DLG2: variants seen among roughly 807,000 people sequenced by gnomAD.
DLG2 encodes disks large homolog 2.
Under a neutral mutation model 132.5 loss-of-function variants are expected in DLG2, and 45 were observed. The ratio of observed to expected loss-of-function variants is 0.34; its 90% CI spans 0.27 to 0.44. The LOEUF is 0.44. Ranked by LOEUF, DLG2 falls within the 20% of genes least tolerant of loss-of-function variation. DLG2 has a pLI of 1.00. For synonymous variants in DLG2, 424 were observed against 419.6 expected, an observed-to-expected ratio of 1.01 and a Z score of -0.13; for missense variants, 1,045 against 1,196.9, an observed-to-expected ratio of 0.87 and a Z score of 1.87.
intron 11 of DLG2, among the ~76,000 whole-genome samples, chr11:84,038,153 T>A (rs543436801): frequency 6.6e-6 from 1 of 152,076 alleles, no homozygotes; most frequent in Admixed American, 6.6e-5. Context: ...CCCAGTGTGG[T>A]TGTTCCCCTC....
intron 6 of DLG2, among the ~76,000 whole-genome samples, chr11:85,007,039 T>C (rs1010395114): frequency 1.3e-5 from 2 of 152,248 alleles, no homozygotes; most frequent in Non-Finnish European, 1.5e-5. Flanking sequence ...AAAGAATTTA[T>C]AGTTCATAAA....
chr11:85,069,658 T>C (rs2065496986), intron 6 of DLG2, among the ~76,000 whole-genome samples: 1 of 152,114 alleles, frequency 6.6e-6, no homozygotes, highest in Non-Finnish European at 1.5e-5. Context: ...AAATAACAGA[T>C]GCTAGAGAGG....
At chr11:83,831,165 A>G (rs2153999042) in intron 17 of DLG2, among the ~76,000 whole-genome samples, 1 of 152,344 alleles carries the variant, frequency 6.6e-6, no homozygotes, top group Middle Eastern at 3.4e-3. Flanking sequence ...GCTTTCAGAG[A>G]CCGTACCACC....
At chr11:84,067,257 A>G (rs1188817384) in intron 10 of DLG2, among the ~76,000 whole-genome samples, 6 of 151,644 alleles carry the variant, frequency 4.0e-5, no homozygotes, top group Admixed American at 2.6e-4. Context: ...TCGCTTGAAC[A>G]CTGGAGGCGG....
Position 84,338,864 on chromosome 11 carries a change from T to C in DLG2, c.520-87573A>G, listed in dbSNP as rs148890041. On this transcript the variant is annotated intron_variant, in intron 7 of 27. Transcript: ENST00000376104. ...GGTAATACATACTTTGAAGTACACA[T>C]ATGAAAATTAAATAATACATGATAA... 8.1e-3 allele frequency among the ~76,000 whole-genome samples: 1,233 copies of C among 152,248 alleles called. 6 individuals are homozygous for C. Among genetic ancestry groups the C allele is most frequent in the Non-Finnish European group, 0.013 (878 of 68,006 alleles).
intron 6 of DLG2, among the ~76,000 whole-genome samples, chr11:84,672,210 T>G (rs2099706656): frequency 6.6e-6 from 1 of 152,086 alleles, no homozygotes; most frequent in South Asian, 2.1e-4. Context: ...TCACCCAAAG[T>G]GGGTGTCTAG....
At chr11:85,463,230 C>T (rs1288101855) in intron 3 of DLG2, among the ~76,000 whole-genome samples, 1 of 152,184 alleles carries the variant, frequency 6.6e-6, no homozygotes, top group Non-Finnish European at 1.5e-5. Flanking sequence ...TACATTATCT[C>T]TTTTATGGGT....
chr11:85,174,882 C>G (rs1337171588), intron 4 of DLG2, among the ~76,000 whole-genome samples: 2 of 152,022 alleles, frequency 1.3e-5, no homozygotes, highest in African/African-American at 2.4e-5. Context: ...TTGATAAATT[C>G]CTGGACACAT....
chr11:84,160,331 T>G (rs1006880714), intron 9 of DLG2, among the ~76,000 whole-genome samples: 2 of 152,146 alleles, frequency 1.3e-5, no homozygotes, highest in Non-Finnish European at 1.5e-5. Context: ...TCCTGGAAGT[T>G]AAAATGTTGA....
At chr11:84,648,031 C>T (rs886411954) in intron 6 of DLG2, among the ~76,000 whole-genome samples, 1 of 151,960 alleles carries the variant, frequency 6.6e-6, no homozygotes, top group African/African-American at 2.4e-5. Flanking sequence ...GAAAATGAGG[C>T]CTAGAAACCT....
chr11:84,331,677 T>C (rs910958888), intron 7 of DLG2, among the ~76,000 whole-genome samples: 2 of 151,824 alleles, frequency 1.3e-5, no homozygotes, highest in Admixed American at 1.3e-4. Flanking sequence ...CAAGCAGAAA[T>C]GCAGTTGTCA....
chr11:84,149,944 G>C (rs1391838132), intron 9 of DLG2, among the ~76,000 whole-genome samples: 3 of 152,078 alleles, frequency 2.0e-5, no homozygotes, highest in Non-Finnish European at 4.4e-5. Context: ...GTTTAGTAGA[G>C]ATGGGGTTTC....
intron 6 of DLG2, among the ~76,000 whole-genome samples, chr11:84,548,230 T>C (rs970379202): frequency 2.6e-5 from 4 of 152,128 alleles, no homozygotes; most frequent in East Asian, 1.9e-4. Context: ...TCAGAGCAGC[T>C]ACGGAAGCAT....
intron 14 of DLG2, among the ~76,000 whole-genome samples, chr11:83,945,267 C>T (rs1448362315): frequency 6.6e-6 from 1 of 152,126 alleles, no homozygotes; most frequent in East Asian, 1.9e-4. Flanking sequence ...CAGAGGGAGA[C>T]TGTCTCAAAA....
intron 3 of DLG2, among the ~76,000 whole-genome samples, chr11:85,467,235 T>A (rs139763672): frequency 0.024 from 3,643 of 152,314 alleles, 142 homozygotes; most frequent in African/African-American, 0.082. Flanking sequence ...TTTCTAGATA[T>A]ACAATCATGT....
intron 6 of DLG2, among the ~76,000 whole-genome samples, chr11:84,917,830 A>G (rs568169813): frequency 1.3e-5 from 2 of 152,278 alleles, no homozygotes; most frequent in Admixed American, 6.5e-5. Flanking sequence ...CAAATGGCTC[A>G]CAACCATTTG....
chr11:85,026,555 C>T (rs996092843), intron 6 of DLG2, among the ~76,000 whole-genome samples: 60 of 152,104 alleles, frequency 3.9e-4, no homozygotes, highest in East Asian at 3.1e-3. Flanking sequence ...CATATTCTTT[C>T]GGCCGGGCGC....
intron 3 of DLG2, among the ~76,000 whole-genome samples, chr11:85,414,161 T>C (rs1361398037): frequency 6.6e-6 from 1 of 152,062 alleles, no homozygotes; most frequent in Non-Finnish European, 1.5e-5. Context: ...CTTCCAGCTA[T>C]TGTAAAAGGG....
chr11:85,527,483 A>G (rs1013524996), intron 3 of DLG2, among the ~76,000 whole-genome samples: 2 of 152,026 alleles, frequency 1.3e-5, no homozygotes, highest in African/African-American at 2.4e-5. Context: ...TGCTGAGGAT[A>G]ATGGTTTCCA....
Sources: allele counts gnomAD v4.1 joint callset (sites outside exome capture counted in the v4.1 genomes callset), GRCh38; gene constraint gnomAD v4.1.1; transcripts MANE v1.5; gene names NCBI Gene and HGNC (gene_info 2026-07-23, HGNC 2026-07-21).